The following ATP6V1C1 variants were observed in gnomAD, a reference collection of about 807,000 sequenced individuals.
The protein encoded by ATP6V1C1 is ATPase H+ transporting V1 subunit C1.
In ATP6V1C1, 45 loss-of-function variants were observed where a neutral mutation model predicts 53.9. The observed-to-expected ratio is 0.83, with a 90% CI of 0.66 to 1.07. The LOEUF is 1.07. Ranked by LOEUF, ATP6V1C1 falls within the 50% of genes least tolerant of loss-of-function variation. The pLI is 0.00. For missense variants in ATP6V1C1, 315 were observed against 440.3 expected, an observed-to-expected ratio of 0.72 and a Z score of 2.55; for synonymous variants, 153 against 155.2, an observed-to-expected ratio of 0.99 and a Z score of 0.11.
intron 8 of ATP6V1C1, among the ~76,000 whole-genome samples, chr8:103,058,976 C>T (rs1444489010): frequency 6.8e-6 from 1 of 147,714 alleles, no homozygotes; most frequent in Admixed American, 6.7e-5. Flanking sequence ...AGAATTACCA[C>T]TTTCCTATTT....
chr8:103,061,052 C>T (rs941901618), intron 8 of ATP6V1C1, among the ~76,000 whole-genome samples: 4 of 152,192 alleles, frequency 2.6e-5, no homozygotes, highest in Admixed American at 6.5e-5. Flanking sequence ...TCAAGCAGTT[C>T]ACACATCACT....
intron 3 of ATP6V1C1, among the ~76,000 whole-genome samples, chr8:103,046,932 A>G (rs1307957141): frequency 1.3e-5 from 2 of 152,176 alleles, no homozygotes; most frequent in Non-Finnish European, 2.9e-5. Flanking sequence ...TAAATTTGAC[A>G]CCAGGTGATT....
At chr8:103,064,885 C>G in intron 11 of ATP6V1C1, 74 bp downstream of exon 11, 2 of 1,288,176 alleles carry the variant, frequency 1.6e-6, no homozygotes, top group South Asian at 2.8e-5. Context: ...TTTATTATAA[C>G]ACAGTCCAGC....
intron 1 of ATP6V1C1, among the ~76,000 whole-genome samples, chr8:103,037,916 G>A (rs1208029206): frequency 6.6e-6 from 1 of 152,056 alleles, no homozygotes; most frequent in Non-Finnish European, 1.5e-5. Context: ...ATACTATTAT[G>A]TGTTTTTCAG....
intron 1 of ATP6V1C1, 68 bp from the exon 2 acceptor site, chr8:103,040,730 A>G (rs773210320): frequency 1.6e-4 from 217 of 1,382,704 alleles, no homozygotes; most frequent in Non-Finnish European, 1.8e-4. Context: ...AACTTCTCCT[A>G]TGATTCTGAA....
intron 1 of ATP6V1C1, among the ~76,000 whole-genome samples, chr8:103,038,725 GA>G (rs1816941958): frequency 6.6e-6 from 1 of 152,166 alleles, no homozygotes; most frequent in Non-Finnish European, 1.5e-5. Context: ...AATCAGATTG[GA>G]AAAGAATATG....
intron 1 of ATP6V1C1, among the ~76,000 whole-genome samples, chr8:103,032,528 G>T (rs370355154): frequency 6.6e-6 from 1 of 151,680 alleles, no homozygotes; most frequent in East Asian, 1.9e-4. Context: ...CTGCTGTCCA[G>T]GCTGGAGTGC....
intron 8 of ATP6V1C1, among the ~76,000 whole-genome samples, chr8:103,061,455 A>G (rs577404767): frequency 2.0e-5 from 3 of 152,330 alleles, no homozygotes; most frequent in South Asian, 4.1e-4. Context: ...CATTTTTTTA[A>G]TATAGTATCT....
intron 1 of ATP6V1C1, among the ~76,000 whole-genome samples, chr8:103,030,659 T>G (rs934455953): frequency 6.6e-6 from 1 of 152,114 alleles, no homozygotes; most frequent in Admixed American, 6.6e-5. Context: ...CATCTTGGTC[T>G]TGCTGAGTCG....
At chr8:103,043,466 G>A (rs2388374) in intron 3 of ATP6V1C1, among the ~76,000 whole-genome samples, 3 of 151,016 alleles carry the variant, frequency 2.0e-5, no homozygotes, top group Non-Finnish European at 2.9e-5. Context: ...GGGATTACAG[G>A]CACCCACCAC....
chr8:103,072,826 TTTCTTCTTCTGCAGAAGATG>T lies in ATP6V1C1; in HGVS notation c.*4080_*4099del, dbSNP rs1369192002. The T allele has an allele frequency of 1.3e-5, 2 of 152,026 alleles. No individual in the cohort carries two copies. Among genetic ancestry groups the T allele is most frequent in the Non-Finnish European group, 2.9e-5 (2 of 67,996 alleles). 9.4% of individuals were successfully genotyped at this position (152,026 alleles called of 1,614,324 possible). A position where few individuals can be genotyped will look rare whatever the true frequency, so the allele number is the denominator to read the frequency against. The stretch of plus-strand genomic sequence containing the variant: ...AGTAAGAGACTGCCGCCTGGCATGG[TTTCTTCTTCTGCAGAAGATG>T]AAACTGAGGAGAAACAAGACAACAT... On this transcript the variant is annotated 3_prime_UTR_variant, in exon 13 of 13. Coordinates refer to ENST00000518738, the MANE Select transcript of ATP6V1C1 (RefSeq NM_001695.5).
chr8:103,055,220 T>G (rs1008248738), intron 7 of ATP6V1C1, among the ~76,000 whole-genome samples: 2 of 152,136 alleles, frequency 1.3e-5, no homozygotes, highest in Admixed American at 6.6e-5. Context: ...AACCAGAAAT[T>G]TTTACAGTTT....
rs75293704 is a variant in ATP6V1C1 at position 103,035,638 on chromosome 8, C to T, written c.-39-5160C>T. 6.6e-4 allele frequency among the ~76,000 whole-genome samples: 100 copies of T among 152,196 alleles called. 1 individual carries two copies. The East Asian group carries it at 0.012, about 18-fold the overall frequency. On this transcript the variant is annotated intron_variant, in intron 1 of 12. Coordinates refer to ENST00000518738, the MANE Select transcript of ATP6V1C1 (RefSeq NM_001695.5). ...TACAATCATCCGCAGGAAGGGCGGC[C>T]GCATGGAAAGGGGAAGGTCTAGGTA...
rs200644833 is a variant in ATP6V1C1 at position 103,060,934 on chromosome 8, CA to C, written c.642-2017del. On this transcript the variant is annotated intron_variant, in intron 8 of 12. Coordinates refer to ENST00000518738, the MANE Select transcript of ATP6V1C1 (RefSeq NM_001695.5). ...CACCAAATGCTTTTGGAAGGGTCTT[CA>C]AAACAGCAAAGTGTTGGATAAGTTT... Among the ~76,000 whole-genome samples, 204 of 152,192 alleles carry C rather than the reference CA, an allele frequency of 1.3e-3. 4 individuals carry two copies. In the East Asian group the frequency reaches 0.035, roughly 26 times the overall value.
chr8:103,052,775 A>T lies in ATP6V1C1; in HGVS notation c.426A>T (p.Ala142=). The T allele has an allele frequency of 6.3e-7, 1 of 1,599,478 alleles. No homozygotes were observed. The highest frequency in any genetic ancestry group is 8.5e-7 in the Non-Finnish European group (1 of 1,174,230). ...IDNDLKSRAS[A]YNNLKGNLQN... is the part of the protein sequence containing the mutation. ...ATGACCTGAAATCTCGAGCATCTGCATACAATAACCTGAAAGGAAATCTTC... is the reference window on the plus strand; with the variant it reads ...ATGACCTGAAATCTCGAGCATCTGCTTACAATAACCTGAAAGGAAATCTTC... The change falls in exon 6 of 13, where the codon GCA becomes GCT. Residue 142 remains alanine (A), a synonymous_variant. Coordinates refer to ENST00000518738, the MANE Select transcript of ATP6V1C1 (RefSeq NM_001695.5).
intron 7 of ATP6V1C1, among the ~76,000 whole-genome samples, chr8:103,054,913 A>G (rs868455744): frequency 2.6e-5 from 4 of 152,118 alleles, no homozygotes; most frequent in Admixed American, 6.6e-5. Flanking sequence ...TGATGCCTCC[A>G]TGGAATTTAC....
intron 8 of ATP6V1C1, among the ~76,000 whole-genome samples, chr8:103,062,197 G>A (rs930345988): frequency 1.5e-5 from 2 of 130,320 alleles, no homozygotes; most frequent in African/African-American, 5.9e-5. Flanking sequence ...TTTTGACAGG[G>A]ACTCACTCTG....
intron 1 of ATP6V1C1, among the ~76,000 whole-genome samples, chr8:103,023,509 TAGTCGTAACTACCCTCGAGGC>T (rs774365986): frequency 3.6e-4 from 55 of 152,208 alleles, no homozygotes; most frequent in Admixed American, 7.2e-4. Context: ...CTTCACAGGG[TAGTCGTAACTACCCTCGAGGC>T]AGTCCTGAAG....
Position 103,042,420 on chromosome 8 carries a change from T to C in ATP6V1C1, c.200+13T>C, listed in dbSNP as rs767932946. On this transcript the variant is annotated intron_variant, in intron 3 of 12. Coordinates refer to ENST00000518738, the MANE Select transcript of ATP6V1C1 (RefSeq NM_001695.5). ...CATTTGTAGAAGGGTAATGTACTTATATGCATGGAGTAGAGCAAAATGGGA... is the reference window on the plus strand; with the variant it reads ...CATTTGTAGAAGGGTAATGTACTTACATGCATGGAGTAGAGCAAAATGGGA... 16 of 1,613,280 alleles carry C rather than the reference T, an allele frequency of 9.9e-6. No individual in the cohort carries two copies. In the African/African-American group the frequency reaches 1.2e-4, roughly 12 times the overall value.
Sources: gnomAD v4.1 joint callset for allele counts (sites outside exome capture counted in the v4.1 genomes callset) on GRCh38, gnomAD v4.1.1 for gene constraint, MANE v1.5 for transcripts, NCBI Gene and HGNC (gene_info 2026-07-23, HGNC 2026-07-21) for gene names.